The following DMBT1 variants were observed in gnomAD, a reference collection of about 807,000 sequenced individuals.
DMBT1 encodes deleted in malignant brain tumors 1.
Under a neutral mutation model 252.9 loss-of-function variants are expected in DMBT1, and 198 were observed. That is an observed-to-expected ratio of 0.78 (90% CI 0.70 to 0.88). The LOEUF is 0.88. DMBT1 is among the 40% of genes least tolerant of loss of function. The pLI, the probability that DMBT1 is intolerant of heterozygous loss-of-function variation, is 0.00. For missense variants in DMBT1, 2,432 were observed against 2,404.7 expected (o/e 1.01, Z -0.24); for synonymous variants, 990 against 942.7 (o/e 1.05, Z -0.92).
chr10:122,588,283 T>A (rs1378922710), intron 16 of DMBT1, among the ~76,000 whole-genome samples: 1 of 147,784 alleles, frequency 6.8e-6, no homozygotes, highest in Admixed American at 6.7e-5. Context: ...CCCTGTGCAT[T>A]GAGTGGGAGG....
chr10:122,620,672 G>A (rs1356770322), intron 43 of DMBT1, among the ~76,000 whole-genome samples: 1 of 152,196 alleles, frequency 6.6e-6, no homozygotes, highest in Non-Finnish European at 1.5e-5. Flanking sequence ...ACCATTCCTG[G>A]CACTTTGCTA....
intron 11 of DMBT1, 149 bp downstream of exon 11, chr10:122,581,044 C>G: frequency 7.2e-7 from 1 of 1,393,884 alleles, no homozygotes; most frequent in South Asian, 1.4e-5. Context: ...ACTGAGATCC[C>G]AGCACAGCGC....
intron 2 of DMBT1, among the ~76,000 whole-genome samples, chr10:122,569,925 C>T (rs1381803386): frequency 6.6e-6 from 1 of 151,966 alleles, no homozygotes; most frequent in Non-Finnish European, 1.5e-5. Flanking sequence ...GAATACAGGT[C>T]GTGGCAGCAG....
intron 8 of DMBT1, 74 bp from the exon 9 acceptor site, chr10:122,578,644 C>G (rs2097734662): frequency 7.5e-7 from 1 of 1,327,710 alleles, no homozygotes; most frequent in East Asian, 2.5e-5. Context: ...CTTGCCTGGT[C>G]CAGAGAACCG....
chr10:122,593,545 G>A, intron 20 of DMBT1, 24 bp from the exon 21 acceptor site: 1 of 1,586,074 alleles, frequency 6.3e-7, no homozygotes, highest in South Asian at 1.1e-5. Context: ...TTCCTGATCT[G>A]ACCTTCTCTT....
intron 40 of DMBT1, among the ~76,000 whole-genome samples, chr10:122,617,489 C>A (rs1340226753): frequency 6.6e-6 from 1 of 151,444 alleles, no homozygotes; most frequent in Non-Finnish European, 1.5e-5. Flanking sequence ...CAGGAACGAT[C>A]CTCATCCAGG....
chr10:122,634,731 A>G (rs1463002083), intron 52 of DMBT1, among the ~76,000 whole-genome samples: 1 of 152,080 alleles, frequency 6.6e-6, no homozygotes, highest in Admixed American at 6.6e-5. Context: ...TCCTGGCCTC[A>G]GGTTATCCTC....
intron 20 of DMBT1, among the ~76,000 whole-genome samples, chr10:122,592,833 G>A (rs1187322472): frequency 2.0e-5 from 3 of 148,596 alleles, no homozygotes; most frequent in African/African-American, 7.3e-5. Flanking sequence ...CCCTTCCTGA[G>A]GCAGTGCAAG....
chr10:122,641,806 A>T (rs1397046067), intron 55 of DMBT1, among the ~76,000 whole-genome samples: 1 of 152,088 alleles, frequency 6.6e-6, no homozygotes, highest in Non-Finnish European at 1.5e-5. Flanking sequence ...CCCTGGCTAT[A>T]CCTGGAGCAC....
At position 122,640,129 on chromosome 10, in the gene DMBT1, C is replaced by G. The variant is rs147956447; in HGVS notation, c.7032C>G (p.His2344Gln). 3.1e-6 allele frequency: 5 copies of G among 1,614,048 alleles called. No homozygotes were observed. The highest frequency in any genetic ancestry group is 4.2e-6 in the Non-Finnish European group (5 of 1,179,898). ...IIKRRTDLRI[H>Q]VSCRMLQNTW... ...AGAGGAGGACAGACCTCCGTATTCA[C>G]GTCAGCTGCAGAATGCTTCAGAACA... The change falls in exon 55 of 56, where the codon CAC becomes CAG. Residue 2344 changes from histidine (H) to glutamine (Q), a missense_variant. This residue lies in a region of DMBT1 where 1,162 missense variants were observed against 1,169.0 expected (regional missense o/e 0.99). Coordinates refer to ENST00000338354, the MANE Select transcript of DMBT1 (RefSeq NM_001377530.1).
At chr10:122,576,165 C>G (rs566470538) in intron 6 of DMBT1, among the ~76,000 whole-genome samples, 2 of 152,308 alleles carry the variant, frequency 1.3e-5, no homozygotes, top group Non-Finnish European at 2.9e-5. Context: ...GGATGCAGAT[C>G]AGGAGGAGCC....
At chr10:122,589,413 T>A in intron 17 of DMBT1, 146 bp downstream of exon 17, 1 of 1,367,000 alleles carries the variant, frequency 7.3e-7, no homozygotes, top group Non-Finnish European at 9.8e-7. Flanking sequence ...GGAAACTGCA[T>A]GAGTCTTCAC....
Position 122,617,266 on chromosome 10 carries a change from C to A in DMBT1, c.4891+6C>A. 1 of 1,608,810 alleles carries A rather than the reference C, an allele frequency of 6.2e-7. No homozygotes were observed. Among genetic ancestry groups the A allele is most frequent in the Non-Finnish European group, 8.5e-7 (1 of 1,178,160 alleles). ...CTCTCGTGCATCAACAGCAGGTAAA[C>A]AATCCTCTCACCCCTCCCTAGGGCT... On this transcript the variant is annotated splice_donor_region_variant and intron_variant, in intron 40 of 55. Transcript: ENST00000338354.
Position 122,625,299 on chromosome 10 carries a change from G to C in DMBT1, c.5631G>C (p.Thr1877=), listed in dbSNP as rs750957369. The C allele has an allele frequency of 6.2e-7, 1 of 1,610,850 alleles. No individual in the cohort carries two copies. The highest frequency in any genetic ancestry group is 1.3e-5 in the African/African-American group (1 of 74,994). ...CAGCCACCCAAATAAATTCTACTAC[G>C]ACAGGTGAGTCTGCTACACCCCAGT... The part of the protein sequence containing the change: ...ICSATQINST[T]TDWWHPTTTT... Residue 1877 remains threonine (T), a synonymous_variant, in exon 45 of 56, where the codon ACG becomes ACC. Transcript: ENST00000338354.
Position 122,618,215 on chromosome 10 carries a change from C to G in DMBT1, c.5090C>G (p.Ser1697Ter), listed in dbSNP as rs2098018794. ...GGAAATGCCCAGTTTGGCCAGGGCT[C>G]AGGACCCATTGTCCTGGATGATGTG... Reference protein sequence around the residue: ...APGNAQFGQGSGPIVLDDVRC... With the variant: ...APGNAQFGQG The change falls in exon 41 of 56, where the codon TCA (serine) becomes TGA (stop). Residue 1697 changes from serine (S) to a stop codon, truncating the protein, a stop_gained. Transcript: ENST00000338354. LOFTEE classifies it high-confidence loss of function. The G allele has an allele frequency of 1.2e-6, 2 of 1,613,824 alleles. No individual in the cohort carries two copies. Among genetic ancestry groups the G allele is most frequent in the Non-Finnish European group, 1.7e-6 (2 of 1,179,796 alleles).
At position 122,592,723 on chromosome 10, in the gene DMBT1, G is replaced by A. The variant is rs1355968700; in HGVS notation, c.2500+128G>A. On this transcript the variant is annotated intron_variant, in intron 20 of 55. Transcript: ENST00000338354. ...TTCCTATATTTATGTAGTCTTGTTA[G>A]CTCTCTGCTAAGGATCTGTATGAAT... The A allele has an allele frequency of 5.1e-5, 75 of 1,462,458 alleles. 2 individuals carry two copies. Among genetic ancestry groups the A allele is most frequent in the Non-Finnish European group, 6.6e-5 (72 of 1,089,226 alleles). 90.6% of individuals were successfully genotyped at this position (1,462,458 alleles called of 1,614,324 possible).
chr10:122,621,415 G>T, intron 44 of DMBT1, 35 bp downstream of exon 44: 1 of 1,613,328 alleles, frequency 6.2e-7, no homozygotes, highest in Non-Finnish European at 8.5e-7. Flanking sequence ...CCTCTCTTGG[G>T]GTGGAGTTTG....
intron 40 of DMBT1, 95 bp from the exon 41 acceptor site, chr10:122,617,922 C>G (rs3013173): frequency 1.9e-6 from 3 of 1,569,308 alleles, no homozygotes; most frequent in Non-Finnish European, 2.6e-6. Flanking sequence ...GCCCAGGTGA[C>G]TCTGGCCATT....
intron 16 of DMBT1, among the ~76,000 whole-genome samples, chr10:122,588,519 A>G (rs2097814895): frequency 6.7e-6 from 1 of 149,134 alleles, no homozygotes; most frequent in Non-Finnish European, 1.5e-5. Flanking sequence ...AGGGTGGGTG[A>G]CAGTTTCTGT....
Sources: gnomAD v4.1 joint callset for allele counts (sites outside exome capture counted in the v4.1 genomes callset) on GRCh38, gnomAD v4.1.1 for gene constraint, gnomAD v4.1.1 regional missense constraint, MANE v1.5 for transcripts, NCBI Gene and HGNC (gene_info 2026-07-23, HGNC 2026-07-21) for gene names.